The following ARHGEF26 variants were observed in gnomAD, a reference collection of about 807,000 sequenced individuals.
The protein encoded by ARHGEF26 is Rho guanine nucleotide exchange factor 26, also known as Rho guanine nucleotide exchange factor (GEF) 26.
Under a neutral mutation model 89.4 loss-of-function variants are expected in ARHGEF26, and 59 were observed. The observed-to-expected ratio is 0.66, with a 90% CI of 0.54 to 0.82. The LOEUF (loss-of-function observed/expected upper bound fraction) is 0.82. Ranked by LOEUF, ARHGEF26 falls within the 40% of genes least tolerant of loss-of-function variation. The probability of loss-of-function intolerance (pLI) is 0.00; values close to 1 mark genes in which losing one functional copy is unlikely to be tolerated. For missense variants in ARHGEF26, 1,234 were observed against 1,085.6 expected (o/e 1.14, Z -1.92); for synonymous variants, 500 against 428.4 (o/e 1.17, Z -2.06).
intron 9 of ARHGEF26, among the ~76,000 whole-genome samples, chr3:154,213,201 TAG>T (rs60158333): frequency 2.0e-3 from 271 of 136,534 alleles, no homozygotes; most frequent in South Asian, 8.0e-3. Flanking sequence ...ACGAGTAACA[TAG>T]AGAGAGAGAG....
chr3:154,209,801 G>A (rs927207575), intron 9 of ARHGEF26, among the ~76,000 whole-genome samples: 8 of 152,134 alleles, frequency 5.3e-5, no homozygotes, highest in South Asian at 4.1e-4. Context: ...GTCAGTCGAC[G>A]GCAAAGCCAG....
At chr3:154,206,060 T>G (rs796098287) in intron 9 of ARHGEF26, among the ~76,000 whole-genome samples, 1 of 152,134 alleles carries the variant, frequency 6.6e-6, no homozygotes, top group African/African-American at 2.4e-5. Flanking sequence ...TAGCATTTCT[T>G]GCAGGAAAGG....
chr3:154,186,419 G>A (rs1039635392), intron 6 of ARHGEF26, among the ~76,000 whole-genome samples: 1 of 151,962 alleles, frequency 6.6e-6, no homozygotes, highest in Non-Finnish European at 1.5e-5. Flanking sequence ...ACTTGTATGT[G>A]TATATCTATT....
intron 9 of ARHGEF26, among the ~76,000 whole-genome samples, chr3:154,194,979 C>T (rs527723971): frequency 6.6e-6 from 1 of 152,292 alleles, no homozygotes; most frequent in Non-Finnish European, 1.5e-5. Flanking sequence ...ATTCATTTCT[C>T]GTTCAGTAAA....
At chr3:154,229,207 AT>A (rs563599449) in intron 11 of ARHGEF26, among the ~76,000 whole-genome samples, 1,620 of 149,682 alleles carry the variant, frequency 0.011, 21 homozygotes, top group African/African-American at 0.038. Context: ...TTAATTATTA[AT>A]TTTTTTTTTA....
chr3:154,185,011 C>T (rs1576749869), intron 6 of ARHGEF26, among the ~76,000 whole-genome samples: 2 of 152,158 alleles, frequency 1.3e-5, no homozygotes, highest in Admixed American at 1.3e-4. Context: ...CTTTGCTCCC[C>T]TGCTCCCGTC....
chr3:154,247,130 TTA>T (rs1023894746), intron 12 of ARHGEF26, among the ~76,000 whole-genome samples: 16 of 152,286 alleles, frequency 1.1e-4, no homozygotes, highest in Admixed American at 9.2e-4. Context: ...TTTTTTGAGA[TTA>T]TGTTTTTCTC....
At chr3:154,213,803 TTG>T (rs1469043980) in intron 9 of ARHGEF26, among the ~76,000 whole-genome samples, 4 of 152,256 alleles carry the variant, frequency 2.6e-5, no homozygotes, top group Middle Eastern at 3.4e-3. Context: ...TATGAATAAA[TTG>T]TTTCTTTTTT....
At chr3:154,130,973 C>T (rs1345268427) in intron 4 of ARHGEF26, among the ~76,000 whole-genome samples, 1 of 152,172 alleles carries the variant, frequency 6.6e-6, no homozygotes, top group Non-Finnish European at 1.5e-5. Context: ...CTTCCCTCTT[C>T]TAACCTGTAT....
intron 6 of ARHGEF26, among the ~76,000 whole-genome samples, chr3:154,158,234 G>A (rs1559868155): frequency 6.6e-6 from 1 of 152,186 alleles, no homozygotes; most frequent in Non-Finnish European, 1.5e-5. Context: ...GAGCCTGTGG[G>A]TTGGAACAGA....
chr3:154,217,751 G>T, intron 9 of ARHGEF26, 118 bp from the exon 10 acceptor site: 1 of 744,110 alleles, frequency 1.3e-6, no homozygotes, highest in African/African-American at 1.8e-5. Context: ...TGAGTTCTCT[G>T]TCAGAAATGA....
At chr3:154,235,292 A>G (rs1018177168) in intron 11 of ARHGEF26, among the ~76,000 whole-genome samples, 1 of 152,178 alleles carries the variant, frequency 6.6e-6, no homozygotes, top group African/African-American at 2.4e-5. Context: ...AAGGTTATCT[A>G]CATATAGAAG....
rs1182361846 is a variant in ARHGEF26 at position 154,194,707 on chromosome 3, G to A, written c.1834G>A (p.Glu612Lys). The A allele has an allele frequency of 1.2e-6, 2 of 1,612,268 alleles. No homozygotes were observed. Among genetic ancestry groups the A allele is most frequent in the Admixed American group, 3.3e-5 (2 of 59,816 alleles). ...TGAAGTCTGCAAAAGAGCCTTGAAG[G>A]AAGTTAGCAAGGTAACTGTTGGGTG... ...KYEVCKRALK[E>K]VSKLVRLCNE... Residue 612 changes from glutamate to lysine, a missense_variant, in exon 9 of 15, where the codon GAA (glutamate) becomes AAA (lysine). Coordinates refer to ENST00000465093, the MANE Select transcript of ARHGEF26 (RefSeq NM_015595.4).
At chr3:154,211,446 A>G (rs985140074) in intron 9 of ARHGEF26, among the ~76,000 whole-genome samples, 2 of 119,922 alleles carry the variant, frequency 1.7e-5, no homozygotes, top group Non-Finnish European at 3.3e-5. Flanking sequence ...GTGTGTCACA[A>G]TTGCTGTGTT....
intron 6 of ARHGEF26, among the ~76,000 whole-genome samples, chr3:154,167,484 T>C (rs553887413): frequency 5.7e-4 from 87 of 152,328 alleles, no homozygotes; most frequent in African/African-American, 1.8e-3. Flanking sequence ...ATGTTTTAAT[T>C]CAAATATAAT....
chr3:154,233,224 C>T (rs182224204), intron 11 of ARHGEF26, among the ~76,000 whole-genome samples: 260 of 152,146 alleles, frequency 1.7e-3, no homozygotes, highest in Non-Finnish European at 2.8e-3. Context: ...TATTATTCCA[C>T]TAAAAACATG....
chr3:154,207,756 T>C (rs1715115224), intron 9 of ARHGEF26, among the ~76,000 whole-genome samples: 1 of 152,082 alleles, frequency 6.6e-6, no homozygotes, highest in African/African-American at 2.4e-5. Context: ...GTATGCACCG[T>C]AAGGAATAGG....
intron 6 of ARHGEF26, among the ~76,000 whole-genome samples, chr3:154,164,090 A>C (rs1031453240): frequency 2.6e-5 from 4 of 152,152 alleles, no homozygotes; most frequent in Non-Finnish European, 5.9e-5. Flanking sequence ...TTTCAAAATA[A>C]ACTTTTGTAG....
intron 9 of ARHGEF26, among the ~76,000 whole-genome samples, chr3:154,200,291 T>C (rs1054469226): frequency 6.6e-6 from 1 of 152,210 alleles, no homozygotes; most frequent in African/African-American, 2.4e-5. Flanking sequence ...TATTCAGTTT[T>C]CTCAGCACCA....
Sources: allele counts gnomAD v4.1 joint callset (sites outside exome capture counted in the v4.1 genomes callset), GRCh38; gene constraint gnomAD v4.1.1; transcripts MANE v1.5; gene names NCBI Gene and HGNC (gene_info 2026-07-23, HGNC 2026-07-21).